The following CSF2RA variants were observed in gnomAD, a reference collection of about 807,000 sequenced individuals.
CSF2RA encodes the protein granulocyte-macrophage colony-stimulating factor receptor subunit alpha.
A neutral mutation model predicts 51.6 loss-of-function variants in CSF2RA; 42 were observed. The ratio of observed to expected loss-of-function variants is 0.81; its 90% CI spans 0.64 to 1.05. The LOEUF is 1.05. CSF2RA is among the 50% of genes least tolerant of loss of function. CSF2RA has a pLI of 0.00. For synonymous variants in CSF2RA, 222 were observed against 193.0 expected (o/e 1.15, Z -1.24); for missense variants, 530 against 501.1 (o/e 1.06, Z -0.55).
At chrX:1,282,547 CCT>C (rs1211669206) in intron 2 of CSF2RA, 129 bp from the exon 3 acceptor site, 2 of 761,698 alleles carry the variant, frequency 2.6e-6, no homozygotes, top group African/African-American at 1.7e-5. Context: ...GGCCATGACC[CCT>C]CATTTGACCA....
downstream of CSF2RA, among the ~76,000 whole-genome samples, chrX:1,312,630 C>G (rs572206160): frequency 6.6e-6 from 1 of 152,152 alleles, no homozygotes; most frequent in Non-Finnish European, 1.5e-5. Flanking sequence ...TCAATCGCCA[C>G]AGATACCGAA....
chrX:1,288,942 A>C (rs2091075907), intron 6 of CSF2RA, 54 bp downstream of exon 6: 4 of 1,607,784 alleles, frequency 2.5e-6, no homozygotes, highest in African/African-American at 1.3e-5. Flanking sequence ...TGGGAGAAAA[A>C]ATCATGCTGG....
At chrX:1,317,246 C>CTTTTT in the CSF2RA span, among the ~76,000 whole-genome samples, 520 of 57,820 alleles carry the variant, frequency 9.0e-3, 56 homozygotes, top group African/African-American at 0.022. Flanking sequence ...CCACGCTCAG[C>CTTTTT]TTTTTTTTTT....
At chrX:1,314,348 TGCCCAACCCC>T (rs1335047677), downstream of CSF2RA, among the ~76,000 whole-genome samples, 13 of 142,328 alleles carry the variant, frequency 9.1e-5, no homozygotes, top group African/African-American at 2.6e-4. Context: ...CCACTGCGCC[TGCCCAACCCC>T]ACTGCATCTG....
rs1389924116 is a variant in CSF2RA, at chrX:1,277,422, C to T, written c.-27+2604C>T. 2.0e-5 allele frequency among the ~76,000 whole-genome samples: 3 copies of T among 148,158 alleles called. No individual in the cohort carries two copies. In the Admixed American group the frequency reaches 2.0e-4, roughly 10 times the overall value. ...ACCAGCCTGACCAACATGGTGAAAC[C>T]CCATCTCTACTAAAAATACAAAAAT... On this transcript the variant is annotated intron_variant, in intron 2 of 12. Coordinates refer to ENST00000381529, the MANE Select transcript of CSF2RA (RefSeq NM_172245.4).
chrX:1,311,696 G>T (rs189913763), downstream of CSF2RA, among the ~76,000 whole-genome samples: 3 of 152,060 alleles, frequency 2.0e-5, no homozygotes, highest in African/African-American at 7.2e-5. Context: ...CCCCCTTGGC[G>T]TCTCCACGTG....
At chrX:1,280,910 T>TCTC (rs1250477697) in intron 2 of CSF2RA, among the ~76,000 whole-genome samples, 5 of 33,212 alleles carry the variant, frequency 1.5e-4, no homozygotes, top group Non-Finnish European at 1.7e-4. Context: ...TCCTGCTCCT[T>TCTC]CTCCTCCTCC....
At chrX:1,319,100 A>T in the CSF2RA span, among the ~76,000 whole-genome samples, 1 of 139,034 alleles carries the variant, frequency 7.2e-6, no homozygotes, top group African/African-American at 2.5e-5. Flanking sequence ...GGTTCAAGCG[A>T]TTCTCCTGCC....
downstream of CSF2RA, chrX:1,310,163 G>A (rs1433078017): frequency 4.7e-6 from 1 of 213,960 alleles, no homozygotes; most frequent in Admixed American, 5.4e-5. Context: ...CTCCAGCCTG[G>A]GTAACAAACT....
intron 2 of CSF2RA, among the ~76,000 whole-genome samples, chrX:1,275,019 C>G (rs1454908705): frequency 1.3e-5 from 2 of 150,986 alleles, no homozygotes; most frequent in Admixed American, 1.3e-4. Context: ...AGTACACATC[C>G]TCCTGAAGCA....
chrX:1,306,659 AAAC>A (rs1426939147), intron 12 of CSF2RA, among the ~76,000 whole-genome samples: 11 of 151,970 alleles, frequency 7.2e-5, no homozygotes, highest in African/African-American at 2.7e-4. Context: ...AAACAAAACA[AAAC>A]AAAAAAATCA....
downstream of CSF2RA, among the ~76,000 whole-genome samples, chrX:1,314,075 G>A (rs2084302556): frequency 6.6e-6 from 1 of 151,788 alleles, no homozygotes; most frequent in Non-Finnish European, 1.5e-5. Flanking sequence ...TAGGGCCTAG[G>A]ATGACTGAGG....
intron 1 of CSF2RA, among the ~76,000 whole-genome samples, chrX:1,270,325 G>C (rs1164802844): frequency 6.6e-6 from 1 of 151,900 alleles, no homozygotes; most frequent in Non-Finnish European, 1.5e-5. Context: ...CTGCTGTCTT[G>C]AATTCCTGGG....
chrX:1,317,150 A>C, the CSF2RA span, among the ~76,000 whole-genome samples: 1 of 148,100 alleles, frequency 6.8e-6, no homozygotes, highest in African/African-American at 2.5e-5. Flanking sequence ...AGGTTTCACC[A>C]TGTTAGCCAG....
intron 3 of CSF2RA, 70 bp from the exon 4 acceptor site, chrX:1,285,708 A>T (rs1233857243): frequency 1.1e-6 from 1 of 886,632 alleles, no homozygotes; most frequent in Non-Finnish European, 1.5e-6. Context: ...TCTCAAAAAA[A>T]AAAAAAAAAA....
At chrX:1,276,169 TTTTGTTTGTTTGTTTG>T (rs761009311) in intron 2 of CSF2RA, among the ~76,000 whole-genome samples, 30 of 146,176 alleles carry the variant, frequency 2.1e-4, no homozygotes, top group Admixed American at 1.6e-3. Flanking sequence ...CCTGGCTAAA[TTTTGTTTGTTTGTTTG>T]TTTGTTTGTT....
rs369471412 is a variant in CSF2RA at position 1,305,404 on chromosome X, A to C, written c.1044-42A>C. On this transcript the variant is annotated intron_variant, in intron 11 of 12. Transcript: ENST00000381529. ...GGCGTTGATGGAAGGAACTCTGGTG[A>C]CCCGGGGTTCATTCTCTTCACACTT... 4.5e-4 allele frequency: 725 copies of C among 1,602,742 alleles called. 5 individuals are homozygous for C. In the East Asian group the frequency reaches 7.8e-3, roughly 17 times the overall value.
intron 12 of CSF2RA, among the ~76,000 whole-genome samples, chrX:1,308,623 C>T (rs1436457161): frequency 6.6e-6 from 1 of 152,118 alleles, no homozygotes. Flanking sequence ...ACATAGGTAA[C>T]ATCCTCCTGG....
At position 1,290,526 on chromosome X, in the gene CSF2RA, T is replaced by G; in HGVS notation, c.646+17T>G. The G allele has an allele frequency of 6.2e-7, 1 of 1,611,438 alleles. No homozygotes were observed. ...AGAAAATAGGTGAGAATAACACATA[T>G]GATTTTCCTATTGTTTATAGGTGAA... On this transcript the variant is annotated intron_variant, in intron 7 of 12. Transcript: ENST00000381529.
Sources: allele counts gnomAD v4.1 joint callset (sites outside exome capture counted in the v4.1 genomes callset), GRCh38; gene constraint gnomAD v4.1.1; transcripts MANE v1.5; gene names NCBI Gene and HGNC (gene_info 2026-07-23, HGNC 2026-07-21).